Variants in LRPPRC observed in about 807,000 individuals in gnomAD.
LRPPRC encodes the protein leucine-rich PPR motif-containing protein, mitochondrial.
LRPPRC carries 120 observed loss-of-function variants against 180.3 expected under a neutral mutation model. The observed-to-expected ratio is 0.67, with a 90% CI of 0.57 to 0.77. The LOEUF is 0.77. Among genes scored for constraint, LRPPRC ranks in the 30% least tolerant of loss-of-function variants. The pLI, the probability that LRPPRC is intolerant of heterozygous loss-of-function variation, is 0.00. For synonymous variants in LRPPRC, 723 were observed against 600.0 expected (o/e 1.21, Z -3.00); for missense variants, 2,012 against 1,657.2 (o/e 1.21, Z -3.72).
chr2:43,952,354 C>T (rs1032377834), intron 14 of LRPPRC, among the ~76,000 whole-genome samples: 3 of 152,116 alleles, frequency 2.0e-5, no homozygotes, highest in African/African-American at 4.8e-5. Flanking sequence ...ATGGTGAATG[C>T]CACAGGTTTG....
At chr2:43,971,151 A>T (rs917219550) in intron 11 of LRPPRC, among the ~76,000 whole-genome samples, 3 of 150,690 alleles carry the variant, frequency 2.0e-5, no homozygotes, top group Admixed American at 2.0e-4. Context: ...CTCAACTGGC[A>T]TTTGGGCTTT....
Position 43,893,751 on chromosome 2 carries a change from A to C in LRPPRC, c.3985+794T>G, listed in dbSNP as rs532815259. Among the ~76,000 whole-genome samples, 5 of 152,248 alleles carry C rather than the reference A, an allele frequency of 3.3e-5. No individual in the cohort carries two copies. The East Asian group carries it at 9.6e-4, about 29-fold the overall frequency. On this transcript the variant is annotated intron_variant, in intron 36 of 37. Transcript: ENST00000260665. ...GTGTTTAGTTACTGGAAATTTGATA[A>C]ATTTTATGACTATTAGCTCTATTTT...
Position 43,901,528 on chromosome 2 carries a change from A to C in LRPPRC, c.3365-4T>G. 6.2e-7 allele frequency: 1 copy of C among 1,600,350 alleles called. No individual in the cohort carries two copies. Among genetic ancestry groups the C allele is most frequent in the East Asian group, 2.2e-5 (1 of 44,816 alleles). ...GTTTTCAGTGTTGTCACAGCCTCTA[A>C]AATACAAGAGCAGGAGATGGCTTTT... On this transcript the variant is annotated splice_polypyrimidine_tract_variant and splice_region_variant and intron_variant, in intron 31 of 37. Coordinates refer to ENST00000260665, the MANE Select transcript of LRPPRC (RefSeq NM_133259.4).
intron 23 of LRPPRC, among the ~76,000 whole-genome samples, chr2:43,935,265 A>G (rs1235886414): frequency 6.6e-6 from 1 of 152,236 alleles, no homozygotes; most frequent in Admixed American, 6.5e-5. Flanking sequence ...CTTTTTTCCA[A>G]TCACTTACGT....
At chr2:43,996,150 T>G (rs1289274470), upstream of LRPPRC, 1 of 541,492 alleles carries the variant, frequency 1.8e-6, no homozygotes. Context: ...ATAAACGATG[T>G]TGCTTGATTC....
chr2:43,944,546 C>T (rs1476061254), intron 22 of LRPPRC, among the ~76,000 whole-genome samples: 4 of 151,996 alleles, frequency 2.6e-5, no homozygotes, highest in Non-Finnish European at 5.9e-5. Flanking sequence ...TAGGCTAATC[C>T]TTAGAAAGAG....
chr2:43,992,170 G>A lies in LRPPRC; in HGVS notation c.149+3629C>T, dbSNP rs183785951. Among the ~76,000 whole-genome samples the A allele has an allele frequency of 7.2e-5, 11 of 152,298 alleles. No homozygotes were observed. The East Asian group carries it at 2.1e-3, about 29-fold the overall frequency. ...CCAGTCAAATGGGAGAGGCAGTCAA[G>A]TTAAGGTTCAACAGAGATGGGGGAC... On this transcript the variant is annotated intron_variant, in intron 1 of 37. Transcript: ENST00000260665.
chr2:43,961,971 A>G (rs1269317954), intron 12 of LRPPRC, among the ~76,000 whole-genome samples: 1 of 152,196 alleles, frequency 6.6e-6, no homozygotes, highest in Non-Finnish European at 1.5e-5. Flanking sequence ...TCAAAAAACA[A>G]AGAAAAAAAG....
intron 11 of LRPPRC, among the ~76,000 whole-genome samples, chr2:43,966,602 G>T (rs964899459): frequency 6.6e-6 from 1 of 151,568 alleles, no homozygotes; most frequent in African/African-American, 2.4e-5. Flanking sequence ...CAGAGACGGG[G>T]TTTCATCATG....
At chr2:43,988,695 C>T (rs748628015) in intron 1 of LRPPRC, among the ~76,000 whole-genome samples, 4 of 152,044 alleles carry the variant, frequency 2.6e-5, no homozygotes, top group African/African-American at 4.8e-5. Context: ...CCCGCCACCA[C>T]GCCCAGCTAA....
chr2:43,942,781 G>A (rs554749209), intron 23 of LRPPRC, among the ~76,000 whole-genome samples: 8 of 152,102 alleles, frequency 5.3e-5, no homozygotes, highest in African/African-American at 1.2e-4. Context: ...ATATTTCTGC[G>A]TTTCAGTCAA....
chr2:43,967,703 T>C (rs558321090), intron 11 of LRPPRC, among the ~76,000 whole-genome samples: 3 of 152,188 alleles, frequency 2.0e-5, no homozygotes, highest in Middle Eastern at 3.4e-3. Context: ...CAAATAATAA[T>C]AATAATGTTT....
intron 31 of LRPPRC, chr2:43,902,140 T>G (rs1036981453): frequency 5.9e-5 from 9 of 153,122 alleles, no homozygotes; most frequent in African/African-American, 2.2e-4. Context: ...GATGGGTTTA[T>G]GGGGTAGTTA....
intron 11 of LRPPRC, among the ~76,000 whole-genome samples, chr2:43,973,304 A>G (rs1337228081): frequency 6.6e-6 from 1 of 152,198 alleles, no homozygotes; most frequent in Non-Finnish European, 1.5e-5. Context: ...CAAACACTAT[A>G]TATAAAATCA....
At chr2:43,974,902 C>A in intron 7 of LRPPRC, 144 bp from the exon 8 acceptor site, 2 of 962,008 alleles carry the variant, frequency 2.1e-6, no homozygotes, top group Non-Finnish European at 1.6e-6. Flanking sequence ...AGGAAATACT[C>A]TACTTCAACA....
In LRPPRC at chr2:43,941,730, T is replaced by C. The variant is rs368534170; in HGVS notation, c.2504+1957A>G. The stretch of plus-strand genomic sequence containing the variant: ...GTAATTTCATAAATATAAAATTTCC[T>C]TTATCTTTTTATTAGTCTCATGACT... On this transcript the variant is annotated intron_variant, in intron 23 of 37. Coordinates refer to ENST00000260665, the MANE Select transcript of LRPPRC (RefSeq NM_133259.4). Among the ~76,000 whole-genome samples, 11 of 151,956 alleles carry C rather than the reference T, an allele frequency of 7.2e-5. No individual in the cohort carries two copies. The East Asian group carries it at 2.1e-3, about 29-fold the overall frequency.
In LRPPRC at chr2:43,916,505, A is replaced by C. The variant is rs772029087; in HGVS notation, c.3148+1520T>G. On this transcript the variant is annotated intron_variant, in intron 29 of 37. Transcript: ENST00000260665. ...AGATATTGCTGGATCACTTCAACAC[A>C]TACTAGTATAGTAATTAATGCCTTA... 5.9e-5 allele frequency among the ~76,000 whole-genome samples: 9 copies of C among 152,326 alleles called. No homozygotes were observed. The East Asian group carries it at 7.7e-4, about 13-fold the overall frequency.
In LRPPRC at chr2:43,960,597, T is replaced by C; in HGVS notation, c.1526A>G (p.Gln509Arg). The change falls in exon 13 of 38, where the codon CAA (glutamine) becomes CGA (arginine). Residue 509 changes from glutamine (Q) to arginine (R), a missense_variant. Gln to Arg is a conservative substitution (Grantham distance 43). Coordinates refer to ENST00000260665, the MANE Select transcript of LRPPRC (RefSeq NM_133259.4). ...GCLSDSDMFSQAGLRSEAANG... is the reference protein window; with the variant it reads ...GCLSDSDMFSRAGLRSEAANG... Reference sequence around the variant, plus strand: ...TGCTGCTTCACTTCTCAATCCAGCTTGAGAAAACATATCACTATCAGACAG... The same window carrying C: ...TGCTGCTTCACTTCTCAATCCAGCTCGAGAAAACATATCACTATCAGACAG... 6.2e-7 allele frequency: 1 copy of C among 1,605,454 alleles called. No individual in the cohort carries two copies. The highest frequency in any genetic ancestry group is 1.1e-5 in the South Asian group (1 of 90,954).
rs1164136276 is a variant in LRPPRC at position 43,888,582 on chromosome 2, A to G, written c.*18T>C. On this transcript the variant is annotated 3_prime_UTR_variant, in exon 38 of 38. Coordinates refer to ENST00000260665, the MANE Select transcript of LRPPRC (RefSeq NM_133259.4). Reference sequence around the variant, plus strand: ...CAGAATCACAAATATATACAAAACAAAGTATCGCCTGGTTATTTCAAGAAG... The same window carrying G: ...CAGAATCACAAATATATACAAAACAGAGTATCGCCTGGTTATTTCAAGAAG... 1 of 1,475,798 alleles carries G rather than the reference A, an allele frequency of 6.8e-7. No individual in the cohort carries two copies. The highest frequency in any genetic ancestry group is 1.1e-5 in the South Asian group (1 of 88,104). 91.4% of individuals were successfully genotyped at this position (1,475,798 alleles called of 1,614,324 possible).
Sources: gnomAD v4.1 joint callset for allele counts (sites outside exome capture counted in the v4.1 genomes callset) on GRCh38, gnomAD v4.1.1 for gene constraint, MANE v1.5 for transcripts, NCBI Gene and HGNC (gene_info 2026-07-23, HGNC 2026-07-21) for gene names.